The following PRIMPOL variants were observed in gnomAD, a reference collection of about 807,000 sequenced individuals.
The protein encoded by PRIMPOL is DNA-directed primase/polymerase protein.
PRIMPOL carries 54 observed loss-of-function variants against 63.6 expected under a neutral mutation model. The ratio of observed to expected loss-of-function variants is 0.85; its 90% CI spans 0.68 to 1.07. PRIMPOL has a LOEUF of 1.07. PRIMPOL is among the 50% of genes least tolerant of loss of function. PRIMPOL has a pLI of 0.00. For synonymous variants in PRIMPOL, 197 were observed against 220.2 expected, an observed-to-expected ratio of 0.89 and a Z score of 0.93; for missense variants, 610 against 648.3, an observed-to-expected ratio of 0.94 and a Z score of 0.64.
In PRIMPOL at chr4:184,657,139, CA is replaced by C; in HGVS notation, c.1del. 2.5e-6 allele frequency: 4 copies of C among 1,603,036 alleles called. No individual in the cohort carries two copies. Among genetic ancestry groups the C allele is most frequent in the Non-Finnish European group, 3.4e-6 (4 of 1,175,122 alleles). Reference sequence around the variant, plus strand: ...ATTTATTCTCTCCACACTTCTGAACCAATGAATAGAAAATGGGAAGCAAAAC... The same window carrying C: ...ATTTATTCTCTCCACACTTCTGAACCATGAATAGAAAATGGGAAGCAAAAC... On this transcript the variant is annotated 5_prime_UTR_variant, in exon 3 of 14. Transcript: ENST00000314970.
Position 184,684,389 on chromosome 4 carries a change from G to A in PRIMPOL, c.1097-1020G>A, listed in dbSNP as rs539695640. ...GAGAATCGCTTGAACCCAGAAGGCCGAGCTTGCAGTGAGCCGAGATCGCGC... is the reference window on the plus strand; with the variant it reads ...GAGAATCGCTTGAACCCAGAAGGCCAAGCTTGCAGTGAGCCGAGATCGCGC... On this transcript the variant is annotated intron_variant, in intron 9 of 13. Transcript: ENST00000314970. Among the ~76,000 whole-genome samples the A allele has an allele frequency of 5.9e-5, 9 of 152,020 alleles. No homozygotes were observed. The East Asian group carries it at 1.2e-3, about 20-fold the overall frequency.
chr4:184,674,802 C>T (rs1036000124), intron 7 of PRIMPOL, among the ~76,000 whole-genome samples: 6 of 152,054 alleles, frequency 3.9e-5, no homozygotes, highest in South Asian at 2.1e-4. Flanking sequence ...CTGTATTTGT[C>T]GATACTGTAA....
chr4:184,689,930 C>T (rs927249906), intron 11 of PRIMPOL, among the ~76,000 whole-genome samples: 2 of 152,120 alleles, frequency 1.3e-5, no homozygotes, highest in Non-Finnish European at 2.9e-5. Flanking sequence ...CTGCAGTGCC[C>T]GGGGCACCTT....
intron 5 of PRIMPOL, among the ~76,000 whole-genome samples, chr4:184,662,474 G>C (rs1748621321): frequency 6.6e-6 from 1 of 152,082 alleles, no homozygotes; most frequent in Non-Finnish European, 1.5e-5. Flanking sequence ...AAATACTGTA[G>C]TTCTTTATTT....
chr4:184,694,778 A>T lies in PRIMPOL; in HGVS notation c.1682A>T (p.Ter561LeuextTer32). The change falls in exon 14 of 14, where the codon TAA becomes TTA. Residue 561 changes from the stop codon to leucine (L), a stop_lost. Transcript: ENST00000314970. ...CTAATTATAGAAGTATTACAAGAGTAACTAATTCACTATGAACACTTTTGT... is the reference window on the plus strand; with the variant it reads ...CTAATTATAGAAGTATTACAAGAGTTACTAATTCACTATGAACACTTTTGT... ...DELIIEVLQE[*>L] 1 of 1,604,004 alleles carries T rather than the reference A, an allele frequency of 6.2e-7. No homozygotes were observed. The highest frequency in any genetic ancestry group is 1.1e-5 in the South Asian group (1 of 90,782).
intron 11 of PRIMPOL, among the ~76,000 whole-genome samples, chr4:184,686,429 T>G (rs1269948412): frequency 6.6e-6 from 1 of 152,180 alleles, no homozygotes; most frequent in Non-Finnish European, 1.5e-5. Context: ...AGGATTGTGT[T>G]AACTCGTTCA....
At chr4:184,691,473 CTTTTT>C in intron 11 of PRIMPOL, 21 bp from the exon 12 acceptor site, 1 of 1,211,714 alleles carries the variant, frequency 8.3e-7, no homozygotes, top group Non-Finnish European at 1.2e-6. Flanking sequence ...GGTATTAATA[CTTTTT>C]TTTTTTTTTT....
At chr4:184,690,375 C>G (rs539688628) in intron 11 of PRIMPOL, among the ~76,000 whole-genome samples, 7 of 152,240 alleles carry the variant, frequency 4.6e-5, no homozygotes, top group Admixed American at 4.6e-4. Context: ...CAATTTTACC[C>G]TAATTTCATT....
chr4:184,670,545 AT>A lies in PRIMPOL; in HGVS notation c.557-1610del, dbSNP rs57234973. 3.7e-3 allele frequency among the ~76,000 whole-genome samples: 504 copies of A among 136,640 alleles called. 1 individual carries two copies. The highest frequency in any genetic ancestry group is 7.2e-3 in the African/African-American group (264 of 36,468). The allele number at this position is 136,640 out of a possible 152,430, so 89.6% of individuals were successfully genotyped here. A position where few individuals can be genotyped will look rare whatever the true frequency, so the allele number is the denominator to read the frequency against. ...ATTTGTTTCTTTGAGTAGGAAAGTAATTTTTTTTTTTTTTTTTTGTGAGACA... is the reference window on the plus strand; with the variant it reads ...ATTTGTTTCTTTGAGTAGGAAAGTAATTTTTTTTTTTTTTTTTGTGAGACA... On this transcript the variant is annotated intron_variant, in intron 6 of 13. Transcript: ENST00000314970.
chr4:184,664,774 A>T (rs1378854132), intron 5 of PRIMPOL, among the ~76,000 whole-genome samples: 1 of 152,186 alleles, frequency 6.6e-6, no homozygotes, highest in Non-Finnish European at 1.5e-5. Context: ...ACAGAGGGAG[A>T]GAACAAATAT....
Position 184,678,359 on chromosome 4 carries a change from T to C in PRIMPOL, c.972T>C (p.Tyr324=). The C allele has an allele frequency of 5.0e-6, 8 of 1,607,318 alleles. No homozygotes were observed. Among genetic ancestry groups the C allele is most frequent in the Non-Finnish European group, 6.8e-6 (8 of 1,177,996 alleles). ...AGTCAAAAGATGTTTCTGACGAATATCAATATTTTCTCTCTTCTTTGGTCA... is the reference window on the plus strand; with the variant it reads ...AGTCAAAAGATGTTTCTGACGAATACCAATATTTTCTCTCTTCTTTGGTCA... ...PIQSKDVSDE[Y]QYFLSSLVSN... Residue 324 remains tyrosine (Y), a synonymous_variant, in exon 8 of 14, where the codon TAT becomes TAC. Transcript: ENST00000314970.
Position 184,682,286 on chromosome 4 carries a change from C to A in PRIMPOL, c.1046C>A (p.Ser349Tyr), listed in dbSNP as rs753930703. The A allele has an allele frequency of 6.2e-7, 1 of 1,604,924 alleles. No individual in the cohort carries two copies. Among genetic ancestry groups the A allele is most frequent in the Non-Finnish European group, 8.5e-7 (1 of 1,172,282 alleles). The change falls in exon 9 of 14, where the codon TCT becomes TAT. Residue 349 changes from serine (S) to tyrosine (Y), a missense_variant. Ser to Tyr is a moderately radical substitution (Grantham distance 144). This residue lies in a region of PRIMPOL where 444 missense variants were observed against 456.4 expected (regional missense o/e 0.97). Coordinates refer to ENST00000314970, the MANE Select transcript of PRIMPOL (RefSeq NM_152683.4). Reference protein sequence around the residue: ...DTLRILTCEPSQNKQKGVGYF... With the variant: ...DTLRILTCEPYQNKQKGVGYF... ...TTACGAATTCTTACATGTGAGCCAT[C>A]TCAGAATAAACAAAAAGGAGTTGGA...
At chr4:184,656,736 A>G (rs1746574118) in intron 2 of PRIMPOL, among the ~76,000 whole-genome samples, 2 of 152,252 alleles carry the variant, frequency 1.3e-5, no homozygotes, top group African/African-American at 4.8e-5. Flanking sequence ...CAAAAAGCAC[A>G]TATATTTACA....
intron 7 of PRIMPOL, among the ~76,000 whole-genome samples, chr4:184,674,168 A>G (rs918836431): frequency 1.3e-5 from 2 of 152,182 alleles, no homozygotes; most frequent in African/African-American, 4.8e-5. Context: ...CTAGCAAGGA[A>G]ACCTCCCTGG....
At chr4:184,679,723 G>C (rs1239280910) in intron 8 of PRIMPOL, among the ~76,000 whole-genome samples, 1 of 152,142 alleles carries the variant, frequency 6.6e-6, no homozygotes, top group African/African-American at 2.4e-5. Flanking sequence ...TCCCACCTCA[G>C]CTCCGCCTCC....
chr4:184,692,801 C>T (rs535384077), intron 13 of PRIMPOL, among the ~76,000 whole-genome samples: 1 of 152,202 alleles, frequency 6.6e-6, no homozygotes, highest in East Asian at 1.9e-4. Flanking sequence ...TTGTTTACCT[C>T]GAATCACTAC....
chr4:184,672,323 A>G lies in PRIMPOL; in HGVS notation c.707A>G (p.Glu236Gly). ...QGFSFNKMFT[E>G]KATEESWTSN... Reference sequence around the variant, plus strand: ...TTTTCTTTCAATAAAATGTTCACAGAAAAGGCTACAGAGGAAAGCTGGACA... The same window carrying G: ...TTTTCTTTCAATAAAATGTTCACAGGAAAGGCTACAGAGGAAAGCTGGACA... Residue 236 changes from glutamate to glycine, a missense_variant, in exon 7 of 14, where the codon GAA becomes GGA. Glu to Gly is a moderately conservative substitution (Grantham distance 98). This residue lies in a region of PRIMPOL where 444 missense variants were observed against 456.4 expected (regional missense o/e 0.97). Coordinates refer to ENST00000314970, the MANE Select transcript of PRIMPOL (RefSeq NM_152683.4). The G allele has an allele frequency of 4.3e-6, 7 of 1,614,168 alleles. No homozygotes were observed. Among genetic ancestry groups the G allele is most frequent in the South Asian group, 1.1e-5 (1 of 91,084 alleles).
intron 9 of PRIMPOL, among the ~76,000 whole-genome samples, chr4:184,682,820 CGGG>C (rs1243864889): frequency 6.6e-6 from 1 of 151,936 alleles, no homozygotes; most frequent in Non-Finnish European, 1.5e-5. Context: ...GAGGCTGAGG[CGGG>C]AGGATCACTT....
chr4:184,657,539 A>T (rs888916524), intron 3 of PRIMPOL: 1 of 437,682 alleles, frequency 2.3e-6, no homozygotes, highest in African/African-American at 2.0e-5. Context: ...TATATTAGTA[A>T]TGAAAAAGAA....
Sources: gnomAD v4.1 joint callset for allele counts (sites outside exome capture counted in the v4.1 genomes callset) on GRCh38, gnomAD v4.1.1 for gene constraint, gnomAD v4.1.1 regional missense constraint, MANE v1.5 for transcripts, NCBI Gene and HGNC (gene_info 2026-07-23, HGNC 2026-07-21) for gene names.